The following SLC6A11 variants were observed in gnomAD, a reference collection of about 807,000 sequenced individuals.
SLC6A11 encodes sodium- and chloride-dependent GABA transporter 3.
A neutral mutation model predicts 74.8 loss-of-function variants in SLC6A11; 25 were observed. That is an observed-to-expected ratio of 0.33 (90% CI 0.24 to 0.47). The LOEUF (loss-of-function observed/expected upper bound fraction) is 0.47. SLC6A11 is among the 20% of genes least tolerant of loss of function. The pLI is 1.00. For synonymous variants in SLC6A11, 330 were observed against 330.2 expected, an observed-to-expected ratio of 1.00 and a Z score of 0.01; for missense variants, 574 against 837.0, an observed-to-expected ratio of 0.69 and a Z score of 3.88.
At chr3:10,896,617 G>T (rs182328990) in intron 6 of SLC6A11, among the ~76,000 whole-genome samples, 1 of 152,346 alleles carries the variant, frequency 6.6e-6, no homozygotes, top group Admixed American at 6.5e-5. Flanking sequence ...GGCTGAAAAT[G>T]AGATTTAAGA....
At chr3:10,822,516 C>A (rs187383112) in intron 3 of SLC6A11, among the ~76,000 whole-genome samples, 2 of 152,298 alleles carry the variant, frequency 1.3e-5, no homozygotes, top group African/African-American at 2.4e-5. Context: ...TTAGATTCTT[C>A]TTCCTCAAAA....
intron 6 of SLC6A11, among the ~76,000 whole-genome samples, chr3:10,888,534 C>T: frequency 6.6e-6 from 1 of 152,158 alleles, no homozygotes. Flanking sequence ...TCAAGAGGAT[C>T]AACACAGTAA....
At chr3:10,929,920 C>T (rs1695663004) in intron 10 of SLC6A11, among the ~76,000 whole-genome samples, 1 of 152,108 alleles carries the variant, frequency 6.6e-6, no homozygotes, top group East Asian at 1.9e-4. Context: ...CCCCCACCTC[C>T]CATAGCCATC....
intron 6 of SLC6A11, among the ~76,000 whole-genome samples, chr3:10,909,117 A>AT (rs1329177515): frequency 2.2e-4 from 33 of 151,642 alleles, no homozygotes; most frequent in Admixed American, 4.6e-4. Flanking sequence ...AGCAAAAAAA[A>AT]AAAAAAAAAA....
chr3:10,873,372 C>T (rs1332310495), intron 5 of SLC6A11, among the ~76,000 whole-genome samples: 3 of 92,866 alleles, frequency 3.2e-5, no homozygotes, highest in Non-Finnish European at 4.0e-5. Flanking sequence ...CCCCTATGCT[C>T]ACCTTCATTA....
chr3:10,917,995 C>T (rs1172248305), intron 7 of SLC6A11, among the ~76,000 whole-genome samples: 6 of 152,246 alleles, frequency 3.9e-5, no homozygotes. Context: ...CCTTTCTCTC[C>T]TACCAGGGAC....
chr3:10,921,793 C>A (rs963708763), intron 8 of SLC6A11, among the ~76,000 whole-genome samples: 6 of 152,008 alleles, frequency 3.9e-5, no homozygotes, highest in African/African-American at 1.5e-4. Flanking sequence ...AAAAGATATA[C>A]CATTCAAACA....
Position 10,929,193 on chromosome 3 carries a change from C to A in SLC6A11, c.1234-9C>A, listed in dbSNP as rs760430688. The A allele has an allele frequency of 7.4e-6, 12 of 1,613,498 alleles. No homozygotes were observed. Among genetic ancestry groups the A allele is most frequent in the Non-Finnish European group, 1.0e-5 (12 of 1,179,796 alleles). ...CTTGAGTTTCACACCATCATATCTC[C>A]CCATCCAGTTTGTGTGTGTGGAAAG... On this transcript the variant is annotated splice_polypyrimidine_tract_variant and intron_variant, in intron 9 of 13. Transcript: ENST00000254488.
chr3:10,935,363 A>G lies in SLC6A11; in HGVS notation c.1746+164A>G, dbSNP rs538191828. 112 of 628,512 alleles carry G rather than the reference A, an allele frequency of 1.8e-4. 1 individual carries two copies. In the South Asian group the frequency reaches 2.0e-3, roughly 11 times the overall value. The allele number at this position is 628,512 out of a possible 1,614,324, so 38.9% of individuals were successfully genotyped here. On this transcript the variant is annotated intron_variant, in intron 13 of 13. Transcript: ENST00000254488. ...AATGTTCAGTATCATGGTTGTGCCC[A>G]AGGTGTCTCTGTGAAGTCTTTTGGC...
chr3:10,937,105 G>T (rs185651327), intron 13 of SLC6A11, among the ~76,000 whole-genome samples: 1 of 152,144 alleles, frequency 6.6e-6, no homozygotes, highest in Admixed American at 6.5e-5. Context: ...TCAGTGATGC[G>T]CTCTGAGGAT....
intron 6 of SLC6A11, among the ~76,000 whole-genome samples, chr3:10,883,562 G>A (rs970763483): frequency 6.6e-6 from 1 of 152,220 alleles, no homozygotes; most frequent in Admixed American, 6.5e-5. Context: ...GATGAAAGAT[G>A]CCCACACTGT....
chr3:10,902,032 G>A (rs535893306), intron 6 of SLC6A11, among the ~76,000 whole-genome samples: 1 of 152,264 alleles, frequency 6.6e-6, no homozygotes, highest in East Asian at 1.9e-4. Context: ...TTTGCCTCAA[G>A]CCAAGGCTCT....
chr3:10,847,212 A>G (rs906231745), intron 5 of SLC6A11, among the ~76,000 whole-genome samples: 7 of 152,184 alleles, frequency 4.6e-5, no homozygotes, highest in African/African-American at 1.7e-4. Flanking sequence ...ATTAACTTCC[A>G]GCATTGGGGA....
intron 7 of SLC6A11, among the ~76,000 whole-genome samples, chr3:10,912,794 C>T (rs1279642060): frequency 6.6e-6 from 1 of 151,954 alleles, no homozygotes; most frequent in African/African-American, 2.4e-5. Context: ...GGGCAGGGGA[C>T]CTGCCCAAGG....
Position 10,875,062 on chromosome 3 carries a change from G to A in SLC6A11, c.858G>A (p.Leu286=). 2 of 1,613,192 alleles carry A rather than the reference G, an allele frequency of 1.2e-6. No homozygotes were observed. Among genetic ancestry groups the A allele is most frequent in the Non-Finnish European group, 8.5e-7 (1 of 1,179,428 alleles). The stretch of plus-strand genomic sequence containing the variant: ...CCTCAGAGGGCATCAAGTTCTACTT[G>A]TACCCTGACCTCTCCCGGCTCTCCG... The part of the protein sequence containing the change: ...PGASEGIKFY[L]YPDLSRLSDP... The change falls in exon 6 of 14, where the codon TTG becomes TTA. Residue 286 remains leucine, a synonymous_variant. Coordinates refer to ENST00000254488, the MANE Select transcript of SLC6A11 (RefSeq NM_014229.3).
At chr3:10,823,059 G>A (rs1432864779) in intron 3 of SLC6A11, among the ~76,000 whole-genome samples, 1 of 152,174 alleles carries the variant, frequency 6.6e-6, no homozygotes, top group Non-Finnish European at 1.5e-5. Context: ...GTTTGATAGG[G>A]AGTGTTGGTT....
At chr3:10,899,696 A>C (rs889483956) in intron 6 of SLC6A11, among the ~76,000 whole-genome samples, 1 of 152,232 alleles carries the variant, frequency 6.6e-6, no homozygotes, top group African/African-American at 2.4e-5. Flanking sequence ...CCAGGCCAGC[A>C]TAAGTGCCAG....
chr3:10,833,218 C>T (rs1171548195), intron 4 of SLC6A11, among the ~76,000 whole-genome samples: 1 of 152,176 alleles, frequency 6.6e-6, no homozygotes, highest in Non-Finnish European at 1.5e-5. Flanking sequence ...CTCGCCACCA[C>T]ACCCAGCTAA....
Position 10,926,128 on chromosome 3 carries a change from T to A in SLC6A11, c.1233+12T>A, listed in dbSNP as rs968885013. On this transcript the variant is annotated intron_variant, in intron 9 of 13. Coordinates refer to ENST00000254488, the MANE Select transcript of SLC6A11 (RefSeq NM_014229.3). The surrounding 1 kb of genome is among the most constrained non-coding windows in gnomAD (Gnocchi z 5.7). ...GCCTGGACAGCCAGGTAAGGGGCCA[T>A]GGGGATGGGGAGCCCAGGAGGGAGG... 11 of 1,562,554 alleles carry A rather than the reference T, an allele frequency of 7.0e-6. No individual in the cohort carries two copies. The highest frequency in any genetic ancestry group is 8.8e-6 in the Non-Finnish European group (10 of 1,135,514).
Sources: allele counts gnomAD v4.1 joint callset (sites outside exome capture counted in the v4.1 genomes callset), GRCh38; gene constraint gnomAD v4.1.1; non-coding constraint Gnocchi (gnomAD v3.1); transcripts MANE v1.5; gene names NCBI Gene and HGNC (gene_info 2026-07-23, HGNC 2026-07-21).